The following COL22A1 variants were observed in gnomAD, a reference collection of about 807,000 sequenced individuals.
The protein encoded by COL22A1 is collagen alpha-1(XXII) chain.
In COL22A1, 221 loss-of-function variants were observed where a neutral mutation model predicts 248.9. The observed-to-expected ratio is 0.89, with a 90% CI of 0.80 to 0.99. COL22A1 has a LOEUF of 0.99. Ranked by LOEUF, COL22A1 falls within the 50% of genes least tolerant of loss-of-function variation. The probability of loss-of-function intolerance (pLI) is 0.00; values close to 1 mark genes in which losing one functional copy is unlikely to be tolerated. For synonymous variants in COL22A1, 891 were observed against 793.4 expected, an observed-to-expected ratio of 1.12 and a Z score of -2.07; for missense variants, 2,240 against 2,179.0, an observed-to-expected ratio of 1.03 and a Z score of -0.56.
At chr8:138,736,163 T>A (rs1831094741) in intron 23 of COL22A1, among the ~76,000 whole-genome samples, 1 of 151,930 alleles carries the variant, frequency 6.6e-6, no homozygotes, top group Non-Finnish European at 1.5e-5. Flanking sequence ...TGTGCCCTCC[T>A]TTTTTATGGC....
rs1221156300 is a variant in COL22A1, at chr8:138,890,456, C to CT, written c.-72-7213dup. Among the ~76,000 whole-genome samples the CT allele has an allele frequency of 1.7e-3, 262 of 151,382 alleles. 1 individual carries two copies. Among genetic ancestry groups the CT allele is most frequent in the African/African-American group, 5.1e-3 (209 of 41,294 alleles). ...TATCTCTATTTGCAGATGGCCTTAT[C>CT]TTTTTTTTTAGGGATGGGGATTCAC... On this transcript the variant is annotated intron_variant, in intron 1 of 64. Transcript: ENST00000303045.
At chr8:138,879,862 A>AAAAC (rs1268257514) in intron 2 of COL22A1, among the ~76,000 whole-genome samples, 2 of 47,296 alleles carry the variant, frequency 4.2e-5, no homozygotes, top group Non-Finnish European at 9.6e-5. Flanking sequence ...CAAAACAAAA[A>AAAAC]AACACTTTGT....
chr8:138,649,889 T>C, intron 45 of COL22A1, 111 bp from the exon 46 acceptor site: 1 of 632,382 alleles, frequency 1.6e-6, no homozygotes. Context: ...ATTTGGTTTT[T>C]AAATTCCAGA....
intron 43 of COL22A1, among the ~76,000 whole-genome samples, chr8:138,660,909 T>TAA (rs1564158377): frequency 2.1e-4 from 12 of 56,352 alleles, no homozygotes; most frequent in Non-Finnish European, 3.9e-4. Flanking sequence ...AACACACACA[T>TAA]ACACAGACAC....
At chr8:138,602,644 G>T (rs1818117169) in intron 59 of COL22A1, among the ~76,000 whole-genome samples, 1 of 152,144 alleles carries the variant, frequency 6.6e-6, no homozygotes, top group Non-Finnish European at 1.5e-5. Context: ...CTCCTCTTCA[G>T]GAAGCCCCCC....
intron 3 of COL22A1, 104 bp downstream of exon 3, chr8:138,877,646 C>T: frequency 8.1e-7 from 1 of 1,236,064 alleles, no homozygotes; most frequent in East Asian, 2.6e-5. Context: ...CCCCGCCTTC[C>T]TGGAGCCGGC....
intron 23 of COL22A1, among the ~76,000 whole-genome samples, chr8:138,732,430 T>C (rs1199096846): frequency 1.3e-5 from 2 of 152,240 alleles, no homozygotes; most frequent in Non-Finnish European, 2.9e-5. Flanking sequence ...CCTCATACTA[T>C]GTCAATGGAC....
chr8:138,625,834 T>C (rs1820191631), intron 51 of COL22A1, among the ~76,000 whole-genome samples: 1 of 152,228 alleles, frequency 6.6e-6, no homozygotes, highest in Admixed American at 6.5e-5. Context: ...TTATCACAAA[T>C]AGTTAATTAA....
intron 44 of COL22A1, among the ~76,000 whole-genome samples, chr8:138,656,424 G>A (rs896507521): frequency 3.9e-5 from 6 of 152,174 alleles, no homozygotes; most frequent in East Asian, 1.9e-4. Flanking sequence ...CATTTTACAC[G>A]TCATTTGTCA....
Position 138,744,746 on chromosome 8 carries a change from T to A in COL22A1, c.2085+6712A>T, listed in dbSNP as rs189041033. Among the ~76,000 whole-genome samples, 456 of 152,388 alleles carry A rather than the reference T, an allele frequency of 3.0e-3. 1 individual carries two copies. Among genetic ancestry groups the A allele is most frequent in the Non-Finnish European group, 4.2e-3 (288 of 68,038 alleles). On this transcript the variant is annotated intron_variant, in intron 22 of 64. Transcript: ENST00000303045. ...CAATTCCCTAGGGAAGTGCCTGCTATGCAGTGACTATTCAATCAATGTTAT... is the reference window on the plus strand; with the variant it reads ...CAATTCCCTAGGGAAGTGCCTGCTAAGCAGTGACTATTCAATCAATGTTAT...
chr8:138,702,989 G>T (rs117122422), intron 31 of COL22A1, among the ~76,000 whole-genome samples: 6,586 of 152,280 alleles, frequency 0.043, 189 homozygotes, highest in East Asian at 0.12. Context: ...TCATGGTAGT[G>T]CAGTCTTACG....
chr8:138,632,642 T>C (rs1820823604), intron 49 of COL22A1, among the ~76,000 whole-genome samples: 1 of 152,178 alleles, frequency 6.6e-6, no homozygotes. Context: ...ATCATGGTCT[T>C]GGATCTCAAG....
chr8:138,837,071 G>A (rs774009886), intron 4 of COL22A1, among the ~76,000 whole-genome samples: 8 of 152,136 alleles, frequency 5.3e-5, no homozygotes, highest in Non-Finnish European at 7.4e-5. Flanking sequence ...TTATTGCAGG[G>A]GTGTCATGAG....
At chr8:138,828,638 C>T (rs184976785) in intron 5 of COL22A1, among the ~76,000 whole-genome samples, 5 of 151,770 alleles carry the variant, frequency 3.3e-5, no homozygotes, top group East Asian at 3.9e-4. Context: ...TTCTTCCTCA[C>T]GAGAATCTAT....
At chr8:138,652,903 C>T (rs1016102838) in intron 45 of COL22A1, among the ~76,000 whole-genome samples, 5 of 151,684 alleles carry the variant, frequency 3.3e-5, no homozygotes, top group East Asian at 3.9e-4. Flanking sequence ...TATGCTACCA[C>T]GTCTGACTAA....
intron 23 of COL22A1, among the ~76,000 whole-genome samples, chr8:138,734,069 G>A (rs767884140): frequency 1.3e-5 from 2 of 152,152 alleles, no homozygotes; most frequent in African/African-American, 2.4e-5. Context: ...ACCAGTAGTG[G>A]CTCCTGCCCA....
At chr8:138,777,973 C>T (rs1207540150) in intron 15 of COL22A1, 1 of 338,268 alleles carries the variant, frequency 3.0e-6, no homozygotes, top group South Asian at 2.5e-5. Flanking sequence ...GGCACTGTTC[C>T]AGGGGCTAAG....
At chr8:138,723,080 G>T (rs1434010475) in intron 25 of COL22A1, among the ~76,000 whole-genome samples, 2 of 151,758 alleles carry the variant, frequency 1.3e-5, no homozygotes, top group East Asian at 1.9e-4. Context: ...AAAAAAATGT[G>T]TCAGGCACAC....
intron 3 of COL22A1, among the ~76,000 whole-genome samples, chr8:138,857,090 C>G (rs1313688075): frequency 6.6e-6 from 1 of 152,084 alleles, no homozygotes; most frequent in Admixed American, 6.5e-5. Flanking sequence ...CATTTCCTCC[C>G]CTCTCCTCCA....
Sources: allele counts gnomAD v4.1 joint callset (sites outside exome capture counted in the v4.1 genomes callset), GRCh38; gene constraint gnomAD v4.1.1; transcripts MANE v1.5; gene names NCBI Gene and HGNC (gene_info 2026-07-23, HGNC 2026-07-21).